Variants in ITGB5 observed in about 807,000 individuals in gnomAD.
The protein encoded by ITGB5 is integrin subunit beta 5.
Under a neutral mutation model 84.8 loss-of-function variants are expected in ITGB5, and 38 were observed. The ratio of observed to expected loss-of-function variants is 0.45; its 90% CI spans 0.35 to 0.59. ITGB5 has a LOEUF of 0.59. ITGB5 is among the 20% of genes least tolerant of loss of function. The pLI is 0.01. For missense variants in ITGB5, 905 were observed against 1,034.5 expected, an observed-to-expected ratio of 0.87 and a Z score of 1.72; for synonymous variants, 393 against 414.4, an observed-to-expected ratio of 0.95 and a Z score of 0.63.
upstream of ITGB5, among the ~76,000 whole-genome samples, chr3:124,892,591 A>G (rs945958399): frequency 2.0e-5 from 3 of 146,578 alleles, no homozygotes; most frequent in Non-Finnish European, 4.5e-5. Context: ...GCTACTCAGG[A>G]GGCTGAGGTG....
intron 11 of ITGB5, among the ~76,000 whole-genome samples, chr3:124,771,615 G>C (rs901357159): frequency 2.0e-5 from 3 of 151,970 alleles, no homozygotes; most frequent in African/African-American, 7.3e-5. Context: ...AGGTGTGGTG[G>C]TACAAGCCAA....
intron 5 of ITGB5, among the ~76,000 whole-genome samples, chr3:124,825,714 G>A (rs1301322635): frequency 6.6e-6 from 1 of 152,200 alleles, no homozygotes; most frequent in East Asian, 1.9e-4. Flanking sequence ...AAGGCATGCT[G>A]GGAAACTTTC....
intron 5 of ITGB5, among the ~76,000 whole-genome samples, chr3:124,839,040 G>A (rs1163294766): frequency 2.0e-5 from 3 of 152,252 alleles, no homozygotes; most frequent in Non-Finnish European, 1.5e-5. Context: ...AGTAGGTGAT[G>A]TCAAGTGAGA....
intron 12 of ITGB5, among the ~76,000 whole-genome samples, chr3:124,768,553 C>T (rs1415994611): frequency 5.3e-5 from 8 of 152,182 alleles, no homozygotes; most frequent in Non-Finnish European, 1.0e-4. Context: ...CTCACCGTGC[C>T]GTAGCGTGTT....
intron 10 of ITGB5, chr3:124,791,311 CAG>C (rs1435601014): frequency 1.3e-5 from 2 of 152,192 alleles, no homozygotes; most frequent in Non-Finnish European, 2.9e-5. Context: ...CTAGAAACCG[CAG>C]AGAGACACAA....
chr3:124,887,174 C>G lies in ITGB5; in HGVS notation c.-174G>C, dbSNP rs1482874587. The G allele has an allele frequency of 6.5e-6, 1 of 154,474 alleles. No individual in the cohort carries two copies. The highest frequency in any genetic ancestry group is 2.4e-5 in the African/African-American group (1 of 41,336). The allele number at this position is 154,474 out of a possible 1,614,324, so 9.6% of individuals were successfully genotyped here. ...CGCGCCCCGCCGCCACCATCCGTCC[C>G]GCAGCACTCACGGCCGAGTCCCGGG... is the stretch of plus-strand genomic sequence containing the variant. On this transcript the variant is annotated 5_prime_UTR_variant, in exon 1 of 15. Transcript: ENST00000296181.
intron 1 of ITGB5, among the ~76,000 whole-genome samples, chr3:124,881,126 G>C (rs2107650002): frequency 6.6e-6 from 1 of 151,806 alleles, no homozygotes; most frequent in Non-Finnish European, 1.5e-5. Flanking sequence ...TGGGATTACA[G>C]GTGCACACCA....
At chr3:124,764,643 T>C (rs762257349) in intron 13 of ITGB5, 86 bp from the exon 14 acceptor site, 6 of 1,373,634 alleles carry the variant, frequency 4.4e-6, no homozygotes, top group African/African-American at 2.9e-5. Flanking sequence ...GAGATGAAAG[T>C]TGCACCCCTT....
intron 10 of ITGB5, among the ~76,000 whole-genome samples, chr3:124,784,873 C>T (rs1204831988): frequency 6.6e-6 from 1 of 152,242 alleles, no homozygotes; most frequent in African/African-American, 2.4e-5. Context: ...TTACTATTTT[C>T]AAACTGGAAA....
At position 124,864,050 on chromosome 3, in the gene ITGB5, A is replaced by AAAAT. The variant is rs1553766449; in HGVS notation, c.157-4605_157-4604insATTT. Among the ~76,000 whole-genome samples the AAAAT allele has an allele frequency of 3.1e-3, 421 of 137,786 alleles. 4 individuals carry two copies. Among genetic ancestry groups the AAAAT allele is most frequent in the African/African-American group, 9.7e-3 (376 of 38,612 alleles). The allele number at this position is 137,786 out of a possible 152,430, so 90.4% of individuals were successfully genotyped here. ...AAAGAAAGAAAGAAAAGAAAAAAGA[A>AAAAT]AAAGAAAGAAAGAAAGAAAGAAAAA... is the stretch of plus-strand genomic sequence containing the variant. On this transcript the variant is annotated intron_variant, in intron 2 of 14. Coordinates refer to ENST00000296181, the MANE Select transcript of ITGB5 (RefSeq NM_002213.5).
intron 8 of ITGB5, among the ~76,000 whole-genome samples, chr3:124,815,392 A>G (rs1338110612): frequency 6.6e-6 from 1 of 152,228 alleles, no homozygotes; most frequent in Non-Finnish European, 1.5e-5. Flanking sequence ...GCTGACAATG[A>G]AATGCTGACA....
At chr3:124,885,206 G>T (rs1033874738) in intron 1 of ITGB5, among the ~76,000 whole-genome samples, 1 of 152,002 alleles carries the variant, frequency 6.6e-6, no homozygotes, top group Non-Finnish European at 1.5e-5. Flanking sequence ...GGAGGTGGAG[G>T]TTGCAGTGAG....
intron 6 of ITGB5, among the ~76,000 whole-genome samples, chr3:124,820,798 G>A (rs1306292609): frequency 6.6e-6 from 1 of 152,128 alleles, no homozygotes; most frequent in Admixed American, 6.5e-5. Context: ...AAATTGCATA[G>A]TTGTGGTTAT....
chr3:124,826,884 C>T (rs1183641882), intron 5 of ITGB5, among the ~76,000 whole-genome samples: 1 of 152,084 alleles, frequency 6.6e-6, no homozygotes, highest in Admixed American at 6.6e-5. Flanking sequence ...CAAACTTGGC[C>T]CAGAGGTTGG....
intron 10 of ITGB5, among the ~76,000 whole-genome samples, chr3:124,785,527 G>C (rs904881247): frequency 6.7e-6 from 1 of 149,730 alleles, no homozygotes; most frequent in Non-Finnish European, 1.5e-5. Flanking sequence ...AGAGGTTGCA[G>C]TGAGCCAAGA....
At chr3:124,765,452 T>C (rs1256223353) in intron 13 of ITGB5, among the ~76,000 whole-genome samples, 4 of 152,226 alleles carry the variant, frequency 2.6e-5, no homozygotes, top group East Asian at 1.9e-4. Context: ...TGGAGCTGGA[T>C]GCTCCCTGAC....
chr3:124,871,620 G>A (rs1253061910), intron 2 of ITGB5, among the ~76,000 whole-genome samples: 1 of 152,156 alleles, frequency 6.6e-6, no homozygotes, highest in African/African-American at 2.4e-5. Context: ...GAGGTCAGGT[G>A]TTTCAGACAA....
intron 2 of ITGB5, among the ~76,000 whole-genome samples, chr3:124,870,245 C>T (rs948134840): frequency 2.0e-5 from 3 of 152,136 alleles, no homozygotes; most frequent in Non-Finnish European, 4.4e-5. Flanking sequence ...TAGTTGGTAA[C>T]AGGCATGAAA....
At position 124,834,692 on chromosome 3, in the gene ITGB5, G is replaced by A. The variant is rs1430839767; in HGVS notation, c.780+6691C>T. 2.0e-5 allele frequency among the ~76,000 whole-genome samples: 3 copies of A among 151,486 alleles called. 1 individual carries two copies. The highest frequency in any genetic ancestry group is 7.3e-5 in the African/African-American group (3 of 41,286). On this transcript the variant is annotated intron_variant, in intron 5 of 14. Transcript: ENST00000296181. ...GGGGAGGGAGGAAAGAAGGAAGGAA[G>A]GAAGCAAGCAAGCAAACCAGGAATA...
Sources: gnomAD v4.1 joint callset for allele counts (sites outside exome capture counted in the v4.1 genomes callset) on GRCh38, gnomAD v4.1.1 for gene constraint, MANE v1.5 for transcripts, NCBI Gene and HGNC (gene_info 2026-07-23, HGNC 2026-07-21) for gene names.